PRKN: variants seen among roughly 807,000 people sequenced by gnomAD.
PRKN encodes the protein parkin RBR E3 ubiquitin protein ligase, also known as E3 ubiquitin-protein ligase parkin.
Under a neutral mutation model 59.5 loss-of-function variants are expected in PRKN, and 56 were observed. The ratio of observed to expected loss-of-function variants is 0.94; its 90% CI spans 0.76 to 1.18. The LOEUF is 1.18. Among genes scored for constraint, PRKN ranks in the 50% most tolerant of loss-of-function variants. The probability of loss-of-function intolerance (pLI) is 0.00; values close to 1 mark genes in which losing one functional copy is unlikely to be tolerated. For missense variants in PRKN, 657 were observed against 596.4 expected, an observed-to-expected ratio of 1.10 and a Z score of -1.06; for synonymous variants, 250 against 222.1, an observed-to-expected ratio of 1.13 and a Z score of -1.12.
At chr6:162,593,065 A>ACGATGTC (rs1314299104) in intron 1 of PRKN, among the ~76,000 whole-genome samples, 1 of 152,156 alleles carries the variant, frequency 6.6e-6, no homozygotes, top group Non-Finnish European at 1.5e-5. Flanking sequence ...GCTGCTGGAT[A>ACGATGTC]CGATGTCAGC....
At position 162,563,280 on chromosome 6, in the gene PRKN, G is replaced by A. The variant is rs543054577; in HGVS notation, c.8-119807C>T. Among the ~76,000 whole-genome samples the A allele has an allele frequency of 7.9e-5, 12 of 151,532 alleles. No homozygotes were observed. The East Asian group carries it at 2.1e-3, about 27-fold the overall frequency. On this transcript the variant is annotated intron_variant, in intron 1 of 11. Transcript: ENST00000366898. ...GATCGCGCCACTGCACTCCAGCTTC[G>A]GCGACAGAGCGAGACTCCATCTTAA...
intron 1 of PRKN, among the ~76,000 whole-genome samples, chr6:162,567,976 A>G (rs1194194749): frequency 6.6e-6 from 1 of 152,108 alleles, no homozygotes; most frequent in Non-Finnish European, 1.5e-5. Flanking sequence ...CCTACAGCAA[A>G]CTCATTTTTG....
intron 6 of PRKN, among the ~76,000 whole-genome samples, chr6:161,916,955 C>T (rs559836768): frequency 1.2e-4 from 19 of 152,208 alleles, no homozygotes; most frequent in Admixed American, 2.6e-4. Context: ...GCGCCCGCCA[C>T]CATGCCCGGC....
chr6:161,381,089 A>G (rs866162715), intron 10 of PRKN, among the ~76,000 whole-genome samples: 13 of 152,372 alleles, frequency 8.5e-5, no homozygotes, highest in African/African-American at 2.6e-4. Flanking sequence ...TTATCTTTGC[A>G]TCCTTATCAA....
In PRKN at chr6:162,153,549, C is replaced by A. The variant is rs1022044338; in HGVS notation, c.534+47582G>T. ...GAGGGCAAAGGGGCATTATAACAGC[C>A]TTTTGGGGTACCCGCACTTGTTGGG... On this transcript the variant is annotated intron_variant, in intron 4 of 11. Coordinates refer to ENST00000366898, the MANE Select transcript of PRKN (RefSeq NM_004562.3). Among the ~76,000 whole-genome samples the A allele has an allele frequency of 2.0e-5, 3 of 152,174 alleles. No homozygotes were observed. In the South Asian group the frequency reaches 6.2e-4, roughly 32 times the overall value.
chr6:161,729,274 G>A (rs2062895362), intron 7 of PRKN, among the ~76,000 whole-genome samples: 1 of 151,878 alleles, frequency 6.6e-6, no homozygotes, highest in African/African-American at 2.4e-5. Context: ...AACACTAAAA[G>A]GACACCAAGC....
At position 161,553,856 on chromosome 6, in the gene PRKN, T is replaced by C. The variant is rs143496868; in HGVS notation, c.934-4853A>G. Among the ~76,000 whole-genome samples the C allele has an allele frequency of 2.6e-4, 40 of 152,330 alleles. No homozygotes were observed. In the East Asian group the frequency reaches 7.5e-3, roughly 29 times the overall value. On this transcript the variant is annotated intron_variant, in intron 8 of 11. Coordinates refer to ENST00000366898, the MANE Select transcript of PRKN (RefSeq NM_004562.3). Reference sequence around the variant, plus strand: ...CCTATCAAGATGAGTTTCCATAACATGATCCTGACACCATTCAATAGCTTC... The same window carrying C: ...CCTATCAAGATGAGTTTCCATAACACGATCCTGACACCATTCAATAGCTTC...
At chr6:162,572,854 A>T (rs1344543647) in intron 1 of PRKN, among the ~76,000 whole-genome samples, 2 of 150,184 alleles carry the variant, frequency 1.3e-5, no homozygotes, top group Non-Finnish European at 3.0e-5. Flanking sequence ...AACTCTGCGT[A>T]ACCTAAAAAC....
intron 2 of PRKN, among the ~76,000 whole-genome samples, chr6:162,442,116 C>A (rs1790084919): frequency 6.6e-6 from 1 of 152,178 alleles, no homozygotes; most frequent in Non-Finnish European, 1.5e-5. Context: ...TGTGCCTCAA[C>A]ACCATCAGCA....
At chr6:162,526,023 TG>T (rs991240607) in intron 1 of PRKN, among the ~76,000 whole-genome samples, 50 of 152,134 alleles carry the variant, frequency 3.3e-4, no homozygotes, top group African/African-American at 1.2e-3. Context: ...TTATATTTCT[TG>T]TAAAGCTGGG....
intron 4 of PRKN, among the ~76,000 whole-genome samples, chr6:162,179,726 C>T (rs367610247): frequency 6.6e-6 from 1 of 152,176 alleles, no homozygotes; most frequent in African/African-American, 2.4e-5. Context: ...AAGTCAGTCA[C>T]CACCTACTTA....
rs56922951 is a variant in PRKN at position 161,670,816 on chromosome 6, A to AAAACAAAC, written c.872-101408_872-101401dup. Among the ~76,000 whole-genome samples, 807 of 150,204 alleles carry AAAACAAAC rather than the reference A, an allele frequency of 5.4e-3. 4 individuals carry two copies. The highest frequency in any genetic ancestry group is 8.7e-3 in the Non-Finnish European group (589 of 67,444). On this transcript the variant is annotated intron_variant, in intron 7 of 11. Transcript: ENST00000366898. Reference sequence around the variant, plus strand: ...AGCAACAGAGCGAGACTCTGTCTCAAAAACAAACAAACAAACAAACAAAAC... The same window carrying AAAACAAAC: ...AGCAACAGAGCGAGACTCTGTCTCAAAAACAAACAAACAAACAAACAAACAAACAAAAC...
intron 1 of PRKN, among the ~76,000 whole-genome samples, chr6:162,551,162 G>T (rs1378622089): frequency 6.6e-6 from 1 of 152,068 alleles, no homozygotes; most frequent in Non-Finnish European, 1.5e-5. Context: ...CTATTAACAG[G>T]TCTGCCAGTG....
At chr6:161,958,517 A>G (rs1300989055) in intron 6 of PRKN, among the ~76,000 whole-genome samples, 1 of 152,176 alleles carries the variant, frequency 6.6e-6, no homozygotes, top group African/African-American at 2.4e-5. Context: ...AATAATAATA[A>G]TAATTAAAAC....
chr6:162,450,381 CCCCCTGTGAATGTAAACGCCCCTA>C (rs1790557510), intron 1 of PRKN, among the ~76,000 whole-genome samples: 100 of 96,558 alleles, frequency 1.0e-3, no homozygotes, highest in African/African-American at 3.4e-3. Flanking sequence ...TGATTGTAAT[CCCCCTGTGAATGTAAACGCCCCTA>C]TGATTGTAAC....
rs1182568463 is a variant in PRKN at position 161,468,900 on chromosome 6, C to T, written c.1083+79954G>A. Among the ~76,000 whole-genome samples the T allele has an allele frequency of 1.3e-5, 2 of 152,168 alleles. No homozygotes were observed. Among genetic ancestry groups the T allele is most frequent in the African/African-American group, 4.8e-5 (2 of 41,440 alleles). On this transcript the variant is annotated intron_variant, in intron 9 of 11. Transcript: ENST00000366898. The surrounding 1 kb of genome is among the most constrained non-coding windows in gnomAD (Gnocchi z 5.9). Reference sequence around the variant, plus strand: ...ACATACTCAACACCAACCTGGTTAACTGATAATGCTGACTACAACCAAGGC... The same window carrying T: ...ACATACTCAACACCAACCTGGTTAATTGATAATGCTGACTACAACCAAGGC...
chr6:162,014,787 A>C (rs977097194), intron 5 of PRKN, among the ~76,000 whole-genome samples: 1 of 150,016 alleles, frequency 6.7e-6, no homozygotes, highest in East Asian at 2.0e-4. Flanking sequence ...ATAAGATAAC[A>C]CAATACAGAT....
intron 7 of PRKN, among the ~76,000 whole-genome samples, chr6:161,590,318 T>C (rs912430009): frequency 1.3e-5 from 2 of 151,886 alleles, no homozygotes; most frequent in African/African-American, 4.8e-5. Context: ...CATAACTTGG[T>C]TGGGTACGGT....
chr6:162,529,232 G>GA (rs961626976), intron 1 of PRKN, among the ~76,000 whole-genome samples: 50 of 151,070 alleles, frequency 3.3e-4, no homozygotes, highest in African/African-American at 1.2e-3. Flanking sequence ...AACTTGATGG[G>GA]AAAAAAATTA....
Sources: allele counts gnomAD v4.1 joint callset (sites outside exome capture counted in the v4.1 genomes callset), GRCh38; gene constraint gnomAD v4.1.1; non-coding constraint Gnocchi (gnomAD v3.1); transcripts MANE v1.5; gene names NCBI Gene and HGNC (gene_info 2026-07-23, HGNC 2026-07-21).